Variants in AOPEP observed in about 807,000 individuals in gnomAD.
AOPEP encodes aminopeptidase O (putative), also known as aminopeptidase O.
AOPEP carries 77 observed loss-of-function variants against 98.1 expected under a neutral mutation model. The ratio of observed to expected loss-of-function variants is 0.78; its 90% CI spans 0.65 to 0.95. AOPEP has a LOEUF of 0.95. Ranked by LOEUF, AOPEP falls within the 40% of genes least tolerant of loss-of-function variation. AOPEP has a pLI of 0.00. For missense variants in AOPEP, 1,024 were observed against 1,024.7 expected, an observed-to-expected ratio of 1.00 and a Z score of 0.01; for synonymous variants, 346 against 365.3, an observed-to-expected ratio of 0.95 and a Z score of 0.60.
intron 5 of AOPEP, among the ~76,000 whole-genome samples, chr9:94,839,186 C>T (rs910384869): frequency 2.0e-5 from 3 of 148,176 alleles, no homozygotes; most frequent in East Asian, 2.0e-4. Flanking sequence ...CCCGGGTTCA[C>T]GCCATTCTCC....
At chr9:95,093,581 G>A in the AOPEP span, among the ~76,000 whole-genome samples, 1 of 152,014 alleles carries the variant, frequency 6.6e-6, no homozygotes, top group Admixed American at 6.6e-5. Flanking sequence ...AACAAATATA[G>A]GTAATATGTA....
At chr9:95,103,706 CAGAGA>C in the AOPEP span, among the ~76,000 whole-genome samples, 1 of 152,194 alleles carries the variant, frequency 6.6e-6, no homozygotes, top group Admixed American at 6.5e-5. Flanking sequence ...GGGCCGAGGT[CAGAGA>C]AGAGGATTCC....
At chr9:94,942,062 G>A (rs976693375) in intron 7 of AOPEP, among the ~76,000 whole-genome samples, 1 of 152,078 alleles carries the variant, frequency 6.6e-6, no homozygotes, top group Admixed American at 6.5e-5. Flanking sequence ...TTGCTGCTCC[G>A]TGTAGCACTG....
At chr9:94,928,288 T>C (rs2136987481) in intron 6 of AOPEP, 137 bp from the exon 7 acceptor site, 1 of 644,134 alleles carries the variant, frequency 1.6e-6, no homozygotes, top group East Asian at 2.9e-5. Context: ...CAGTGGCCTT[T>C]AGGTTTCTGA....
intron 5 of AOPEP, among the ~76,000 whole-genome samples, chr9:94,841,128 A>G (rs1020055671): frequency 2.6e-5 from 4 of 151,598 alleles, no homozygotes; most frequent in Admixed American, 6.6e-5. Flanking sequence ...ACTGAATGAC[A>G]TAAATCTCCT....
At chr9:94,738,612 C>A (rs949372962) in intron 1 of AOPEP, among the ~76,000 whole-genome samples, 3 of 152,270 alleles carry the variant, frequency 2.0e-5, no homozygotes, top group East Asian at 3.9e-4. Flanking sequence ...CTCGCTCTGT[C>A]ACCCAGGCTG....
chr9:94,744,880 C>T (rs757238662), intron 1 of AOPEP, among the ~76,000 whole-genome samples: 1 of 151,950 alleles, frequency 6.6e-6, no homozygotes, highest in African/African-American at 2.4e-5. Flanking sequence ...AAACTTCCAC[C>T]TGTTGAAATA....
At chr9:94,875,313 G>C (rs1408021064) in intron 5 of AOPEP, among the ~76,000 whole-genome samples, 2 of 43,268 alleles carry the variant, frequency 4.6e-5, no homozygotes, top group African/African-American at 1.9e-4. Context: ...TAAAAACTTA[G>C]ACAAATTAAA....
At chr9:95,101,836 A>T in the AOPEP span, 1 of 1,614,026 alleles carries the variant, frequency 6.2e-7, no homozygotes, top group Non-Finnish European at 8.5e-7. Flanking sequence ...GAGTTATCTC[A>T]GCAGTGTGAG....
At chr9:95,144,752 C>T in the AOPEP span, among the ~76,000 whole-genome samples, 1 of 152,128 alleles carries the variant, frequency 6.6e-6, no homozygotes, top group Non-Finnish European at 1.5e-5. Flanking sequence ...TGAAAAATCG[C>T]CGTGGAGAGT....
chr9:95,010,601 A>G (rs1485160511), intron 13 of AOPEP, among the ~76,000 whole-genome samples: 1 of 152,226 alleles, frequency 6.6e-6, no homozygotes, highest in Non-Finnish European at 1.5e-5. Flanking sequence ...GTGAGAATTC[A>G]TAACTAGTCT....
At chr9:95,032,335 C>A (rs946410768) in intron 13 of AOPEP, among the ~76,000 whole-genome samples, 1 of 152,232 alleles carries the variant, frequency 6.6e-6, no homozygotes, top group Non-Finnish European at 1.5e-5. Flanking sequence ...ACTGGCAGAC[C>A]TCGCATGGCC....
At chr9:94,733,105 C>T (rs1289013288) in intron 1 of AOPEP, among the ~76,000 whole-genome samples, 84 of 128,906 alleles carry the variant, frequency 6.5e-4, no homozygotes, top group Admixed American at 2.3e-3. Flanking sequence ...TTTTCTTTCT[C>T]TTTTTTTTTT....
the AOPEP span, among the ~76,000 whole-genome samples, chr9:95,105,287 C>T: frequency 4.6e-5 from 7 of 152,174 alleles, no homozygotes; most frequent in Admixed American, 2.0e-4. Context: ...TGGACATTCA[C>T]GTTTCAGTCA....
chr9:94,826,731 G>C (rs1378497004), intron 5 of AOPEP, among the ~76,000 whole-genome samples: 3 of 152,128 alleles, frequency 2.0e-5, no homozygotes, highest in African/African-American at 7.2e-5. Context: ...GTTGTAATGT[G>C]GGGAAGGAGA....
At chr9:95,129,461 G>A in the AOPEP span, among the ~76,000 whole-genome samples, 2 of 152,178 alleles carry the variant, frequency 1.3e-5, no homozygotes, top group Admixed American at 6.5e-5. Flanking sequence ...GAGTGATGAC[G>A]CAGGCATCTA....
chr9:94,976,563 GCTCT>G (rs1444137941), intron 10 of AOPEP, among the ~76,000 whole-genome samples: 1 of 151,588 alleles, frequency 6.6e-6, no homozygotes, highest in Non-Finnish European at 1.5e-5. Context: ...CGTCACTATT[GCTCT>G]CTCTAAGTCC....
chr9:95,057,859 A>G (rs961222018), intron 13 of AOPEP, among the ~76,000 whole-genome samples: 4 of 152,208 alleles, frequency 2.6e-5, no homozygotes, highest in African/African-American at 9.7e-5. Context: ...ACCTGGGAGC[A>G]TGAAGCTGGC....
chr9:95,117,412 A>G, the AOPEP span: 1 of 1,604,948 alleles, frequency 6.2e-7, no homozygotes, highest in Non-Finnish European at 8.5e-7. Context: ...TGGAAAATCC[A>G]AAGAGCATGA....
Sources: gnomAD v4.1 joint callset for allele counts (sites outside exome capture counted in the v4.1 genomes callset) on GRCh38, gnomAD v4.1.1 for gene constraint, MANE v1.5 for transcripts, NCBI Gene and HGNC (gene_info 2026-07-23, HGNC 2026-07-21) for gene names.